The following TMEM26 variants were observed in gnomAD, a reference collection of about 807,000 sequenced individuals.
TMEM26 encodes the protein transmembrane protein 26.
In TMEM26, 38 loss-of-function variants were observed where a neutral mutation model predicts 28.8. The observed-to-expected ratio is 1.32, with a 90% confidence interval of 1.02 to 1.73. The LOEUF (loss-of-function observed/expected upper bound fraction) is 1.73. Among genes scored for constraint, TMEM26 ranks in the 40% most tolerant of loss-of-function variants. The pLI is 0.00. For synonymous variants in TMEM26, 227 were observed against 182.9 expected, an observed-to-expected ratio of 1.24 and a Z score of -1.95; for missense variants, 518 against 447.1, an observed-to-expected ratio of 1.16 and a Z score of -1.43.
intron 3 of TMEM26, 86 bp downstream of exon 3, chr10:61,431,133 T>C: frequency 9.6e-7 from 1 of 1,041,358 alleles, no homozygotes; most frequent in Admixed American, 2.0e-5. Flanking sequence ...AAGAATTAGC[T>C]GGGAAGCATG....
chr10:61,427,409 A>G lies in TMEM26; in HGVS notation c.605+1517T>C, dbSNP rs78001032. Among the ~76,000 whole-genome samples, 1,228 of 152,156 alleles carry G rather than the reference A, an allele frequency of 8.1e-3. 20 individuals carry two copies. The highest frequency in any genetic ancestry group is 0.027 in the African/African-American group (1,139 of 41,544). On this transcript the variant is annotated intron_variant, in intron 4 of 5. Transcript: ENST00000399298. ...CTGCCTAGCTCAGTGCTTGACACAT[A>G]TTAGATAACCAATCAGTAGTGGGTG...
chr10:61,445,288 T>A (rs1054633243), intron 1 of TMEM26, among the ~76,000 whole-genome samples: 1 of 152,160 alleles, frequency 6.6e-6, no homozygotes, highest in Non-Finnish European at 1.5e-5. Flanking sequence ...TTCAGGTAGA[T>A]TAAAATGTGT....
rs1564470387 is a variant in TMEM26 at position 61,409,844 on chromosome 10, G to A, written c.*478C>T. 1 of 160,740 alleles carries A rather than the reference G, an allele frequency of 6.2e-6. No individual in the cohort carries two copies. The highest frequency in any genetic ancestry group is 2.4e-5 in the African/African-American group (1 of 41,484). 10.0% of individuals were successfully genotyped at this position (160,740 alleles called of 1,614,324 possible). The stretch of plus-strand genomic sequence containing the variant: ...TTCGCTTCTTCCAGCCCACAGTGAG[G>A]TAATTTTAAAGGCACTTTTCCCTTC... On this transcript the variant is annotated 3_prime_UTR_variant, in exon 6 of 6. Coordinates refer to ENST00000399298, the MANE Select transcript of TMEM26 (RefSeq NM_178505.8).
At chr10:61,412,547 C>T (rs1282339200) in intron 5 of TMEM26, among the ~76,000 whole-genome samples, 1 of 152,082 alleles carries the variant, frequency 6.6e-6, no homozygotes, top group African/African-American at 2.4e-5. Context: ...TTATTAATTT[C>T]TAGAATTTCT....
At chr10:61,426,392 A>G (rs1839832887) in intron 4 of TMEM26, among the ~76,000 whole-genome samples, 1 of 152,148 alleles carries the variant, frequency 6.6e-6, no homozygotes, top group Admixed American at 6.6e-5. Flanking sequence ...CAATAGAATT[A>G]CAGTTGAACT....
chr10:61,413,536 C>A lies in TMEM26; in HGVS notation c.606-1G>T. 3 of 1,593,278 alleles carry A rather than the reference C, an allele frequency of 1.9e-6. No individual in the cohort carries two copies. Among genetic ancestry groups the A allele is most frequent in the South Asian group, 2.3e-5 (2 of 86,226 alleles). ...GGCATAGACTAGTGCAGGACTATTC[C>A]TAGAATACAGACAAAATGTTAAATT... On this transcript the variant is annotated splice_acceptor_variant, in intron 4 of 5. Coordinates refer to ENST00000399298, the MANE Select transcript of TMEM26 (RefSeq NM_178505.8). LOFTEE classifies it high-confidence loss of function.
rs11817778 is a variant in TMEM26 at position 61,453,196 on chromosome 10, T to C, written c.-115A>G. 0.17 allele frequency: 191,808 copies of C among 1,104,838 alleles called. 18,007 individuals carry two copies. Among genetic ancestry groups the C allele is most frequent in the Middle Eastern group, 0.3 (993 of 3,354 alleles). The allele number at this position is 1,104,838 out of a possible 1,614,324, so 68.4% of individuals were successfully genotyped here. A position where few individuals can be genotyped will look rare whatever the true frequency, so the allele number is the denominator to read the frequency against. On this transcript the variant is annotated 5_prime_UTR_variant, in exon 1 of 6. Transcript: ENST00000399298. ...GACAAGCACTGAGACCTGCTGCTGCTTGTGGTCCCTTCTCACCCTCAGCGC... is the reference window on the plus strand; with the variant it reads ...GACAAGCACTGAGACCTGCTGCTGCCTGTGGTCCCTTCTCACCCTCAGCGC...
At chr10:61,437,385 T>C (rs962111268) in intron 1 of TMEM26, among the ~76,000 whole-genome samples, 2 of 152,200 alleles carry the variant, frequency 1.3e-5, no homozygotes, top group Non-Finnish European at 2.9e-5. Context: ...GTGGTGAGCA[T>C]TCAATAATAG....
chr10:61,446,143 T>C (rs1450417285), intron 1 of TMEM26, among the ~76,000 whole-genome samples: 1 of 152,214 alleles, frequency 6.6e-6, no homozygotes, highest in Admixed American at 6.5e-5. Flanking sequence ...AATTATTACA[T>C]TGATCTGAAG....
chr10:61,449,907 C>T (rs1227229404), intron 1 of TMEM26, among the ~76,000 whole-genome samples: 1 of 152,030 alleles, frequency 6.6e-6, no homozygotes, highest in Admixed American at 6.6e-5. Context: ...CCATAATATA[C>T]ACAACTCTAT....
At chr10:61,431,795 T>C (rs1359673745) in intron 2 of TMEM26, among the ~76,000 whole-genome samples, 2 of 152,030 alleles carry the variant, frequency 1.3e-5, no homozygotes, top group Non-Finnish European at 2.9e-5. Flanking sequence ...AATGGCATGT[T>C]GTTGAGGCTT....
In TMEM26 at chr10:61,452,881, GC is replaced by G; in HGVS notation, c.191+9del. On this transcript the variant is annotated intron_variant, in intron 1 of 5. Coordinates refer to ENST00000399298, the MANE Select transcript of TMEM26 (RefSeq NM_178505.8). ...CCCCGTGCGCCCTCGCTTTCCCGGGGCACTCTCACCATTTGTAGCCTCTGCC... is the reference window on the plus strand; with the variant it reads ...CCCCGTGCGCCCTCGCTTTCCCGGGGACTCTCACCATTTGTAGCCTCTGCC... The G allele has an allele frequency of 6.2e-7, 1 of 1,605,966 alleles. No individual in the cohort carries two copies. The highest frequency in any genetic ancestry group is 1.3e-5 in the African/African-American group (1 of 74,892).
intron 5 of TMEM26, chr10:61,412,954 C>A (rs1348745263): frequency 3.1e-6 from 4 of 1,291,814 alleles, no homozygotes; most frequent in Non-Finnish European, 4.1e-6. Context: ...CCAATGAGGA[C>A]AATTTTAACT....
chr10:61,450,724 A>G (rs899397509), intron 1 of TMEM26, among the ~76,000 whole-genome samples: 1 of 152,124 alleles, frequency 6.6e-6, no homozygotes, highest in African/African-American at 2.4e-5. Context: ...GTTATAATGC[A>G]CAATATATAT....
chr10:61,416,009 A>G (rs1216794360), intron 4 of TMEM26: 1 of 405,736 alleles, frequency 2.5e-6, no homozygotes, highest in Non-Finnish European at 4.9e-6. Context: ...ACCTGTGAGA[A>G]TTCAAATTTC....
At position 61,431,319 on chromosome 10, in the gene TMEM26, T is replaced by C. The variant is rs1275836377; in HGVS notation, c.284A>G (p.Gln95Arg). The C allele has an allele frequency of 6.2e-7, 1 of 1,612,890 alleles. No homozygotes were observed. Among genetic ancestry groups the C allele is most frequent in the South Asian group, 1.1e-5 (1 of 91,054 alleles). ...GGTATTCTGTGATGTTCCTTCAGCC[T>C]GGATACTGCAATACTAAGAATGGGG... ...LHHETQYCSI[Q>R]AEGTSQNTSR... is the part of the protein sequence containing the mutation. The change falls in exon 3 of 6, where the codon CAG becomes CGG. Residue 95 changes from glutamine to arginine, a missense_variant. Gln to Arg is a conservative substitution (Grantham distance 43). Coordinates refer to ENST00000399298, the MANE Select transcript of TMEM26 (RefSeq NM_178505.8).
At chr10:61,413,634 CT>C (rs1839605139) in intron 4 of TMEM26, 99 bp from the exon 5 acceptor site, 1 of 1,355,334 alleles carries the variant, frequency 7.4e-7, no homozygotes, top group African/African-American at 1.5e-5. Context: ...TAATAAACCT[CT>C]TGTGGCCAAA....
intron 1 of TMEM26, among the ~76,000 whole-genome samples, chr10:61,444,455 GA>G (rs1026491892): frequency 3.3e-5 from 5 of 151,966 alleles, no homozygotes; most frequent in African/African-American, 1.2e-4. Flanking sequence ...TCTTTAGGAC[GA>G]AAGTTAAAAT....
intron 5 of TMEM26, among the ~76,000 whole-genome samples, chr10:61,411,982 G>T (rs113629120): frequency 6.6e-6 from 1 of 152,156 alleles, no homozygotes; most frequent in Non-Finnish European, 1.5e-5. Flanking sequence ...TTTACAAAAT[G>T]TCTTTCTTAA....
Sources: gnomAD v4.1 joint callset for allele counts (sites outside exome capture counted in the v4.1 genomes callset) on GRCh38, gnomAD v4.1.1 for gene constraint, MANE v1.5 for transcripts, NCBI Gene and HGNC (gene_info 2026-07-23, HGNC 2026-07-21) for gene names.